Variants in RIT2 observed in about 807,000 individuals in gnomAD.
The protein encoded by RIT2 is GTP-binding protein Rit2.
A neutral mutation model predicts 23.7 loss-of-function variants in RIT2; 24 were observed. The observed-to-expected ratio is 1.01, with a 90% CI of 0.73 to 1.43. The LOEUF (loss-of-function observed/expected upper bound fraction) is 1.43, where lower values mean the gene tolerates loss of function less well. Ranked by LOEUF, RIT2 falls within the 40% of genes most tolerant of loss-of-function variation. RIT2 has a pLI of 0.00. For synonymous variants in RIT2, 107 were observed against 91.1 expected (o/e 1.17, Z -0.99); for missense variants, 236 against 266.9 (o/e 0.88, Z 0.81).
At chr18:43,092,158 G>A (rs1274501303) in intron 1 of RIT2, among the ~76,000 whole-genome samples, 1 of 152,008 alleles carries the variant, frequency 6.6e-6, no homozygotes, top group African/African-American at 2.4e-5. Context: ...AGAGGATCCA[G>A]AGAGTGATTC....
intron 1 of RIT2, among the ~76,000 whole-genome samples, chr18:43,093,160 A>T (rs148866598): frequency 7.8e-4 from 119 of 152,244 alleles, no homozygotes; most frequent in African/African-American, 2.6e-3. Flanking sequence ...GCTGGAAAAC[A>T]TCTTGAGTTA....
chr18:42,908,717 G>A (rs1908688440), intron 4 of RIT2, among the ~76,000 whole-genome samples: 1 of 152,090 alleles, frequency 6.6e-6, no homozygotes, highest in Non-Finnish European at 1.5e-5. Context: ...GACATTCTCA[G>A]TTGAAGGGAA....
chr18:42,932,011 A>G (rs776042172), intron 3 of RIT2, among the ~76,000 whole-genome samples: 2 of 152,190 alleles, frequency 1.3e-5, no homozygotes, highest in Non-Finnish European at 2.9e-5. Context: ...ACTGAATACA[A>G]AATAAATTAC....
At chr18:42,948,868 G>C (rs1248782939) in intron 3 of RIT2, 1 of 392,860 alleles carries the variant, frequency 2.5e-6, no homozygotes, top group East Asian at 3.6e-5. Flanking sequence ...CAAGAAACAA[G>C]TTAAATCCCA....
At chr18:42,983,126 A>T (rs760626058) in intron 2 of RIT2, among the ~76,000 whole-genome samples, 1 of 152,146 alleles carries the variant, frequency 6.6e-6, no homozygotes, top group Non-Finnish European at 1.5e-5. Flanking sequence ...AGCTACAATA[A>T]TCAAAACAAT....
intron 2 of RIT2, among the ~76,000 whole-genome samples, chr18:43,005,371 A>G (rs771568108): frequency 1.3e-5 from 2 of 151,838 alleles, no homozygotes; most frequent in Non-Finnish European, 2.9e-5. Flanking sequence ...GAATATTTAA[A>G]ATCTGTAATA....
In RIT2 at chr18:42,974,429, C is replaced by T. The variant is rs148678089; in HGVS notation, c.161-282G>A. Among the ~76,000 whole-genome samples, 561 of 152,006 alleles carry T rather than the reference C, an allele frequency of 3.7e-3. 4 individuals carry two copies. The highest frequency in any genetic ancestry group is 0.013 in the African/African-American group (533 of 41,532). On this transcript the variant is annotated intron_variant, in intron 2 of 4. Coordinates refer to ENST00000326695, the MANE Select transcript of RIT2 (RefSeq NM_002930.4). ...AGAAAAACATGGAACAAATGTTATTCGTTCTTTCCTAACAATGCAGGGCAA... is the reference window on the plus strand; with the variant it reads ...AGAAAAACATGGAACAAATGTTATTTGTTCTTTCCTAACAATGCAGGGCAA...
chr18:42,926,421 G>A (rs1909181297), intron 3 of RIT2, among the ~76,000 whole-genome samples: 1 of 151,814 alleles, frequency 6.6e-6, no homozygotes, highest in Non-Finnish European at 1.5e-5. Flanking sequence ...TTTGAAAAGG[G>A]TTGGTTCTTT....
chr18:43,069,526 G>A (rs1467274766), intron 1 of RIT2, among the ~76,000 whole-genome samples: 1 of 151,986 alleles, frequency 6.6e-6, no homozygotes, highest in East Asian at 1.9e-4. Flanking sequence ...GTCTAGACTT[G>A]GCTTGTCTCT....
intron 4 of RIT2, among the ~76,000 whole-genome samples, chr18:42,848,703 C>T (rs767562388): frequency 1.7e-4 from 26 of 152,134 alleles, no homozygotes; most frequent in Non-Finnish European, 2.5e-4. Flanking sequence ...AGTTCTCTCT[C>T]GTTAGCATAA....
intron 3 of RIT2, among the ~76,000 whole-genome samples, chr18:42,943,503 A>G (rs2045987926): frequency 6.6e-6 from 1 of 152,118 alleles, no homozygotes; most frequent in South Asian, 2.1e-4. Context: ...GATTTATCCC[A>G]CCATGACTAT....
At chr18:42,774,963 C>T (rs978017638) in intron 4 of RIT2, among the ~76,000 whole-genome samples, 2 of 152,114 alleles carry the variant, frequency 1.3e-5, no homozygotes, top group Non-Finnish European at 2.9e-5. Context: ...GCACATTACA[C>T]CTTATCATCT....
chr18:42,833,115 T>C (rs1906506374), intron 4 of RIT2, among the ~76,000 whole-genome samples: 1 of 151,104 alleles, frequency 6.6e-6, no homozygotes, highest in Admixed American at 6.7e-5. Flanking sequence ...TTTGTACCTA[T>C]TAACATACAT....
chr18:42,831,056 CATGATGTATAAGTCTA>C (rs1000868734), intron 4 of RIT2, among the ~76,000 whole-genome samples: 1 of 152,144 alleles, frequency 6.6e-6, no homozygotes. Context: ...ACCTCCTGAC[CATGATGTATAAGTCTA>C]ATGATTTTAA....
At chr18:42,800,783 G>A (rs1192704588) in intron 4 of RIT2, among the ~76,000 whole-genome samples, 1 of 151,884 alleles carries the variant, frequency 6.6e-6, no homozygotes, top group African/African-American at 2.4e-5. Context: ...CGCCCGCCTC[G>A]GCCTCCCAGA....
At chr18:42,976,725 A>T (rs1910485717) in intron 2 of RIT2, among the ~76,000 whole-genome samples, 1 of 152,122 alleles carries the variant, frequency 6.6e-6, no homozygotes, top group African/African-American at 2.4e-5. Flanking sequence ...GGAGTTCATT[A>T]TAATGCCATC....
At chr18:43,071,104 T>C (rs1440071765) in intron 1 of RIT2, among the ~76,000 whole-genome samples, 1 of 152,226 alleles carries the variant, frequency 6.6e-6, no homozygotes, top group African/African-American at 2.4e-5. Flanking sequence ...CTCAGTGATA[T>C]AAATCTTGCA....
chr18:42,899,613 C>T (rs771979794), intron 4 of RIT2, among the ~76,000 whole-genome samples: 5 of 151,900 alleles, frequency 3.3e-5, no homozygotes, highest in Admixed American at 1.3e-4. Flanking sequence ...ATGGTCAAAG[C>T]GTGAGGTAAT....
chr18:42,872,357 T>C (rs762954555), intron 4 of RIT2, among the ~76,000 whole-genome samples: 1 of 152,200 alleles, frequency 6.6e-6, no homozygotes, highest in African/African-American at 2.4e-5. Flanking sequence ...TAATCTACAC[T>C]GTAGACCTGT....
Sources: allele counts gnomAD v4.1 joint callset (sites outside exome capture counted in the v4.1 genomes callset), GRCh38; gene constraint gnomAD v4.1.1; transcripts MANE v1.5; gene names NCBI Gene and HGNC (gene_info 2026-07-23, HGNC 2026-07-21).